TOM1L2: variants seen among roughly 807,000 people sequenced by gnomAD.
TOM1L2 encodes target of myb1 like 2 membrane trafficking protein.
In TOM1L2, 31 loss-of-function variants were observed where a neutral mutation model predicts 67.9. The observed-to-expected ratio is 0.46, with a 90% CI of 0.34 to 0.62. The LOEUF (loss-of-function observed/expected upper bound fraction) is 0.62, where lower values mean the gene tolerates loss of function less well. Ranked by LOEUF, TOM1L2 falls within the 20% of genes least tolerant of loss-of-function variation. TOM1L2 has a pLI of 0.01. For missense variants in TOM1L2, 606 were observed against 663.5 expected, an observed-to-expected ratio of 0.91 and a Z score of 0.95; for synonymous variants, 256 against 254.0, an observed-to-expected ratio of 1.01 and a Z score of -0.07.
chr17:17,967,720 G>A (rs546539585), intron 1 of TOM1L2, among the ~76,000 whole-genome samples: 1 of 152,082 alleles, frequency 6.6e-6, no homozygotes, highest in East Asian at 1.9e-4. Flanking sequence ...GGATTCTTCC[G>A]CCTCAGCCTC....
intron 7 of TOM1L2, among the ~76,000 whole-genome samples, chr17:17,874,718 C>A (rs553174899): frequency 1.3e-5 from 2 of 152,204 alleles, no homozygotes; most frequent in African/African-American, 2.4e-5. Context: ...CTGCTCTGGC[C>A]TTGTGTTTGC....
chr17:17,933,164 C>T (rs1039557570), intron 1 of TOM1L2, among the ~76,000 whole-genome samples: 1 of 152,170 alleles, frequency 6.6e-6, no homozygotes, highest in African/African-American at 2.4e-5. Context: ...TCTTCCTCTG[C>T]CATCCTTGGC....
intron 1 of TOM1L2, among the ~76,000 whole-genome samples, chr17:17,942,238 C>G (rs1267748535): frequency 6.6e-6 from 1 of 152,110 alleles, no homozygotes; most frequent in Non-Finnish European, 1.5e-5. Flanking sequence ...TCTGCCTGAC[C>G]CAAGATCAGC....
At chr17:17,945,999 G>A (rs911204180) in intron 1 of TOM1L2, among the ~76,000 whole-genome samples, 5 of 151,992 alleles carry the variant, frequency 3.3e-5, no homozygotes, top group African/African-American at 1.2e-4. Context: ...CTCATGAGTA[G>A]CTGGGACTAC....
At chr17:17,912,883 C>T (rs926220442) in intron 1 of TOM1L2, among the ~76,000 whole-genome samples, 4 of 152,192 alleles carry the variant, frequency 2.6e-5, no homozygotes, top group African/African-American at 9.7e-5. Context: ...CACTGCACTC[C>T]AGCCGGGGCA....
At chr17:17,882,454 C>T (rs1568155499) in intron 6 of TOM1L2, among the ~76,000 whole-genome samples, 1 of 152,214 alleles carries the variant, frequency 6.6e-6, no homozygotes, top group South Asian at 2.1e-4. Flanking sequence ...GTCAGGTCCC[C>T]GGTGCCTCCC....
intron 1 of TOM1L2, among the ~76,000 whole-genome samples, chr17:17,966,921 G>T (rs549680169): frequency 1.3e-5 from 2 of 152,282 alleles, no homozygotes; most frequent in African/African-American, 4.8e-5. Context: ...GCAAATTCCT[G>T]CCCTTGAACA....
chr17:17,866,169 A>G, intron 10 of TOM1L2, 127 bp downstream of exon 10: 1 of 1,203,750 alleles, frequency 8.3e-7, no homozygotes, highest in Admixed American at 3.0e-5. Flanking sequence ...AGGACTCAGG[A>G]ATACACTTTC....
intron 3 of TOM1L2, among the ~76,000 whole-genome samples, chr17:17,897,580 T>A (rs1298674118): frequency 6.6e-6 from 1 of 152,192 alleles, no homozygotes; most frequent in African/African-American, 2.4e-5. Flanking sequence ...ACACCTGAAG[T>A]CGTCTTTTTA....
At chr17:17,931,880 T>C (rs954451594) in intron 1 of TOM1L2, among the ~76,000 whole-genome samples, 27 of 152,128 alleles carry the variant, frequency 1.8e-4, no homozygotes, top group African/African-American at 5.8e-4. Context: ...ATCATACAGG[T>C]CTCCAAATAC....
At chr17:17,877,852 G>A (rs745307064) in intron 7 of TOM1L2, among the ~76,000 whole-genome samples, 2 of 151,298 alleles carry the variant, frequency 1.3e-5, no homozygotes, top group Non-Finnish European at 2.9e-5. Context: ...ATTAGGTTCT[G>A]TTTGTCTTGG....
intron 1 of TOM1L2, among the ~76,000 whole-genome samples, chr17:17,921,735 T>C (rs1402209995): frequency 1.1e-5 from 1 of 89,304 alleles, no homozygotes; most frequent in African/African-American, 4.4e-5. Flanking sequence ...GCAGAGCAGA[T>C]AAGGGAAAGT....
At chr17:17,857,869 G>A (rs754045651) in intron 12 of TOM1L2, 3 of 1,534,572 alleles carry the variant, frequency 2.0e-6, no homozygotes, top group African/African-American at 2.7e-5. Context: ...AGAAAGAAAA[G>A]TCACAGCAAG....
intron 12 of TOM1L2, among the ~76,000 whole-genome samples, 180 bp downstream of exon 12, chr17:17,861,296 G>A (rs2036544709): frequency 6.6e-6 from 1 of 152,110 alleles, no homozygotes; most frequent in African/African-American, 2.4e-5. Context: ...CACGGGGTGA[G>A]GTGAAGACTC....
At chr17:17,929,227 G>A (rs1199629965) in intron 1 of TOM1L2, among the ~76,000 whole-genome samples, 1 of 152,228 alleles carries the variant, frequency 6.6e-6, no homozygotes, top group African/African-American at 2.4e-5. Context: ...ACAGAAGTGG[G>A]CAGCAACACA....
intron 3 of TOM1L2, among the ~76,000 whole-genome samples, chr17:17,895,799 T>C: frequency 6.6e-6 from 1 of 152,170 alleles, no homozygotes; most frequent in East Asian, 1.9e-4. Flanking sequence ...CCCCCTTTGG[T>C]CCTTGAAATA....
At chr17:17,901,025 C>T (rs2038826754) in intron 2 of TOM1L2, among the ~76,000 whole-genome samples, 1 of 152,092 alleles carries the variant, frequency 6.6e-6, no homozygotes, top group South Asian at 2.1e-4. Flanking sequence ...AGGACCAGCA[C>T]ACTCAGGGCT....
chr17:17,897,223 G>A (rs769482159), intron 3 of TOM1L2, among the ~76,000 whole-genome samples: 2 of 152,174 alleles, frequency 1.3e-5, no homozygotes, highest in Non-Finnish European at 2.9e-5. Context: ...AAAGCCACTC[G>A]TTTTGGGCAT....
At chr17:17,848,166 G>T (rs2035755832) in intron 14 of TOM1L2, among the ~76,000 whole-genome samples, 1 of 152,202 alleles carries the variant, frequency 6.6e-6, no homozygotes, top group Non-Finnish European at 1.5e-5. Context: ...ACCAATGGAG[G>T]ACTGAGGAGA....
Sources: gnomAD v4.1 joint callset for allele counts (sites outside exome capture counted in the v4.1 genomes callset) on GRCh38, gnomAD v4.1.1 for gene constraint, MANE v1.5 for transcripts, NCBI Gene and HGNC (gene_info 2026-07-23, HGNC 2026-07-21) for gene names.